The following SPEF2 variants were observed in gnomAD, a reference collection of about 807,000 sequenced individuals.
The protein encoded by SPEF2 is sperm flagella and cilia-associated protein 2.
SPEF2 carries 187 observed loss-of-function variants against 224.6 expected under a neutral mutation model. The ratio of observed to expected loss-of-function variants is 0.83; its 90% CI spans 0.74 to 0.94. The LOEUF (loss-of-function observed/expected upper bound fraction) is 0.94. Ranked by LOEUF, SPEF2 falls within the 40% of genes least tolerant of loss-of-function variation. SPEF2 has a pLI of 0.00. For missense variants in SPEF2, 2,170 were observed against 2,135.6 expected, an observed-to-expected ratio of 1.02 and a Z score of -0.32; for synonymous variants, 715 against 707.3, an observed-to-expected ratio of 1.01 and a Z score of -0.17.
intron 10 of SPEF2, among the ~76,000 whole-genome samples, chr5:35,673,853 G>A (rs1049373893): frequency 9.2e-5 from 14 of 152,146 alleles, no homozygotes; most frequent in African/African-American, 2.9e-4. Flanking sequence ...ACATGTGTAC[G>A]CCTGTCACTA....
intron 2 of SPEF2, among the ~76,000 whole-genome samples, chr5:35,630,358 A>G (rs1268643695): frequency 6.6e-6 from 1 of 152,166 alleles, no homozygotes. Context: ...CTGCCCTAGC[A>G]GAGGTTCTCC....
chr5:35,627,455 G>A (rs1375512775), intron 1 of SPEF2, among the ~76,000 whole-genome samples: 1 of 151,884 alleles, frequency 6.6e-6, no homozygotes, highest in Non-Finnish European at 1.5e-5. Context: ...ACAAAAATTT[G>A]CTGGGTGTGG....
intron 10 of SPEF2, chr5:35,671,166 T>G: frequency 1.0e-6 from 1 of 985,376 alleles, no homozygotes; most frequent in Non-Finnish European, 1.2e-6. Context: ...TTTGACCTAA[T>G]TATTCACTGA....
chr5:35,624,745 C>T (rs1455101589), intron 1 of SPEF2, among the ~76,000 whole-genome samples: 5 of 151,968 alleles, frequency 3.3e-5, no homozygotes, highest in Non-Finnish European at 7.4e-5. Flanking sequence ...CAAGCAATTC[C>T]CCTGCCTCAG....
chr5:35,669,355 T>C (rs1750929806), intron 9 of SPEF2, among the ~76,000 whole-genome samples: 1 of 152,148 alleles, frequency 6.6e-6, no homozygotes, highest in Non-Finnish European at 1.5e-5. Flanking sequence ...CACTCTGTCC[T>C]TGTTGTCTCC....
chr5:35,764,852 C>T, intron 26 of SPEF2: 1 of 386,928 alleles, frequency 2.6e-6, no homozygotes, highest in Non-Finnish European at 5.0e-6. Flanking sequence ...TTCTCCCTCT[C>T]ACAAGCAATG....
intron 19 of SPEF2, among the ~76,000 whole-genome samples, chr5:35,712,454 C>T (rs12697347): frequency 0.75 from 114,264 of 152,016 alleles, 43,301 homozygotes; most frequent in Middle Eastern, 0.83. Context: ...TCAGTTGAAA[C>T]AAATCCAAAT....
intron 1 of SPEF2, among the ~76,000 whole-genome samples, chr5:35,622,014 A>T (rs1311356480): frequency 1.3e-5 from 2 of 152,200 alleles, no homozygotes; most frequent in African/African-American, 4.8e-5. Context: ...TTCTACTGTT[A>T]AGGCATATTC....
intron 7 of SPEF2, among the ~76,000 whole-genome samples, chr5:35,656,032 A>T (rs570251566): frequency 6.6e-6 from 1 of 152,282 alleles, no homozygotes; most frequent in East Asian, 1.9e-4. Flanking sequence ...TTGGAGGTAA[A>T]ATCAATAAGA....
intron 2 of SPEF2, among the ~76,000 whole-genome samples, chr5:35,639,026 T>C (rs1257346824): frequency 1.3e-5 from 2 of 152,166 alleles, no homozygotes; most frequent in Admixed American, 1.3e-4. Context: ...TGGAAATGAC[T>C]GTAAAAATGC....
chr5:35,790,243 C>A (rs536772810), intron 30 of SPEF2: 1 of 662,190 alleles, frequency 1.5e-6, no homozygotes, highest in East Asian at 2.7e-5. Context: ...CAGTTGAATT[C>A]TCCAGACATT....
At chr5:35,618,600 A>C (rs1743000649) in intron 1 of SPEF2, among the ~76,000 whole-genome samples, 1 of 152,110 alleles carries the variant, frequency 6.6e-6, no homozygotes, top group South Asian at 2.1e-4. Context: ...CCAGCAGGGG[A>C]GGGTGGGTGA....
chr5:35,674,221 T>G (rs1408989305), intron 10 of SPEF2, among the ~76,000 whole-genome samples: 1 of 152,034 alleles, frequency 6.6e-6, no homozygotes, highest in Non-Finnish European at 1.5e-5. Context: ...AAGGTTAAGG[T>G]GTTAGCCAGT....
intron 19 of SPEF2, chr5:35,710,739 T>C (rs893622617): frequency 1.1e-6 from 1 of 897,606 alleles, no homozygotes; most frequent in African/African-American, 2.6e-5. Context: ...GACTCTAGTG[T>C]TTCTGATCAG....
intron 20 of SPEF2, among the ~76,000 whole-genome samples, chr5:35,726,851 G>T (rs1236632381): frequency 6.6e-6 from 1 of 152,134 alleles, no homozygotes; most frequent in Non-Finnish European, 1.5e-5. Flanking sequence ...GACCAAGGTT[G>T]TTCATACCAT....
In SPEF2 at chr5:35,729,650, C is replaced by T. The variant is rs147838566; in HGVS notation, c.3063+1827C>T. ...TCTGGACTCCCCACACGTGAACTGC[C>T]GAGTTTACCTGCTGATATGGTTTTG... On this transcript the variant is annotated intron_variant, in intron 21 of 36. Coordinates refer to ENST00000356031, the MANE Select transcript of SPEF2 (RefSeq NM_024867.4). Among the ~76,000 whole-genome samples, 704 of 152,180 alleles carry T rather than the reference C, an allele frequency of 4.6e-3. 6 individuals carry two copies. The highest frequency in any genetic ancestry group is 0.017 in the African/African-American group (686 of 41,492).
Position 35,695,265 on chromosome 5 carries a change from GT to G in SPEF2, c.1976-456del, listed in dbSNP as rs35696968. Among the ~76,000 whole-genome samples the G allele has an allele frequency of 6.3e-3, 909 of 143,514 alleles. 7 individuals carry two copies. The highest frequency in any genetic ancestry group is 0.014 in the African/African-American group (551 of 40,082). 94.2% of individuals were successfully genotyped at this position (143,514 alleles called of 152,430 possible). On this transcript the variant is annotated intron_variant, in intron 13 of 36. Transcript: ENST00000356031. ...TATAAACAAACTCTTAAAACTTCTG[GT>G]TTTTTTTTTTTTTCATAGAATTTAA...
At chr5:35,643,787 A>C (rs961498527) in intron 3 of SPEF2, 1 of 263,226 alleles carries the variant, frequency 3.8e-6, no homozygotes, top group African/African-American at 2.2e-5. Context: ...ATATTATCTC[A>C]CTGGATCTTC....
rs1744743493 is a variant in SPEF2, at chr5:35,629,257, C to T, written c.161+695C>T. 2.0e-5 allele frequency among the ~76,000 whole-genome samples: 3 copies of T among 147,982 alleles called. No homozygotes were observed. In the South Asian group the frequency reaches 6.6e-4, roughly 33 times the overall value. On this transcript the variant is annotated intron_variant, in intron 2 of 36. Transcript: ENST00000356031. ...CAAGCTCCGCCTCCCGCATTCACAC[C>T]ATTCTCCTGCCTCAGCCTCCCGAGT... is the stretch of plus-strand genomic sequence containing the variant.
Sources: gnomAD v4.1 joint callset for allele counts (sites outside exome capture counted in the v4.1 genomes callset) on GRCh38, gnomAD v4.1.1 for gene constraint, MANE v1.5 for transcripts, NCBI Gene and HGNC (gene_info 2026-07-23, HGNC 2026-07-21) for gene names.